LGSN: variants seen among roughly 807,000 people sequenced by gnomAD.
LGSN encodes the protein lengsin.
In LGSN, 21 loss-of-function variants were observed where a neutral mutation model predicts 19.5. That is an observed-to-expected ratio of 1.07 (90% CI 0.76 to 1.55). The LOEUF is 1.55. Ranked by LOEUF, LGSN falls within the 40% of genes most tolerant of loss-of-function variation. The pLI is 0.00. For missense variants in LGSN, 673 were observed against 608.5 expected, an observed-to-expected ratio of 1.11 and a Z score of -1.12; for synonymous variants, 257 against 215.6, an observed-to-expected ratio of 1.19 and a Z score of -1.68.
chr6:63,446,201 G>A, the LGSN span, among the ~76,000 whole-genome samples: 2 of 137,390 alleles, frequency 1.5e-5, no homozygotes, highest in Non-Finnish European at 3.0e-5. Flanking sequence ...AATGAGCAGA[G>A]ATCGGCCACT....
chr6:63,483,532 AT>A, the LGSN span, among the ~76,000 whole-genome samples: 1 of 151,906 alleles, frequency 6.6e-6, no homozygotes, highest in East Asian at 1.9e-4. Flanking sequence ...CGCCCGGCTA[AT>A]TTTTTTGTGT....
the LGSN span, among the ~76,000 whole-genome samples, chr6:63,471,310 A>G: frequency 4.0e-5 from 6 of 151,266 alleles, no homozygotes; most frequent in African/African-American, 1.5e-4. Context: ...GTGGCAATGT[A>G]TAATATTGGG....
chr6:63,343,702 A>T, the LGSN span, among the ~76,000 whole-genome samples: 3 of 152,222 alleles, frequency 2.0e-5, no homozygotes, highest in African/African-American at 7.2e-5. Context: ...ATTTAATCAA[A>T]CTACTCTAGG....
the LGSN span, among the ~76,000 whole-genome samples, chr6:63,455,521 G>A: frequency 5.3e-5 from 8 of 151,854 alleles, no homozygotes; most frequent in Admixed American, 1.3e-4. Context: ...TTGGGAGGCC[G>A]AGGCGGATGG....
the LGSN span, among the ~76,000 whole-genome samples, chr6:63,475,054 A>G: frequency 2.0e-5 from 3 of 152,164 alleles, no homozygotes; most frequent in Non-Finnish European, 4.4e-5. Flanking sequence ...AACTAAAAAC[A>G]TTGTTATAAA....
chr6:63,332,859 C>T, the LGSN span, among the ~76,000 whole-genome samples: 9 of 152,144 alleles, frequency 5.9e-5, no homozygotes, highest in East Asian at 3.9e-4. Flanking sequence ...AACATGTGTC[C>T]GGAATTGGTG....
At chr6:63,364,764 A>T in the LGSN span, among the ~76,000 whole-genome samples, 2 of 152,256 alleles carry the variant, frequency 1.3e-5, no homozygotes, top group African/African-American at 4.8e-5. Flanking sequence ...ATCAAACTAG[A>T]ACTCAGGATT....
intron 1 of LGSN, among the ~76,000 whole-genome samples, chr6:63,309,078 G>A (rs1768520740): frequency 2.6e-5 from 4 of 152,284 alleles, no homozygotes; most frequent in Admixed American, 1.3e-4. Flanking sequence ...AGTAGCATAC[G>A]AGAAAGTAGA....
At chr6:63,544,049 G>C in the LGSN span, among the ~76,000 whole-genome samples, 1 of 152,000 alleles carries the variant, frequency 6.6e-6, no homozygotes, top group Admixed American at 6.6e-5. Context: ...CCCCAACCCC[G>C]TATTTCATGT....
chr6:63,291,347 C>G (rs1277212464), intron 2 of LGSN, among the ~76,000 whole-genome samples: 1 of 152,098 alleles, frequency 6.6e-6, no homozygotes, highest in Non-Finnish European at 1.5e-5. Context: ...AAACAGGTCA[C>G]ATGGACTAGA....
the LGSN span, among the ~76,000 whole-genome samples, chr6:63,393,626 C>T: frequency 1.3e-5 from 2 of 152,156 alleles, no homozygotes; most frequent in South Asian, 4.1e-4. Flanking sequence ...AATTTGTGAG[C>T]CCTATGTAAA....
chr6:63,332,258 G>A, the LGSN span, among the ~76,000 whole-genome samples: 1 of 152,154 alleles, frequency 6.6e-6, no homozygotes, highest in Admixed American at 6.5e-5. Context: ...TCTTATAGGA[G>A]AAACTAGAAA....
At chr6:63,426,527 AT>A in the LGSN span, among the ~76,000 whole-genome samples, 1 of 151,946 alleles carries the variant, frequency 6.6e-6, no homozygotes, top group African/African-American at 2.4e-5. Flanking sequence ...TTATTTATTT[AT>A]TTTTGAGACA....
At chr6:63,384,770 A>C in the LGSN span, among the ~76,000 whole-genome samples, 2 of 152,214 alleles carry the variant, frequency 1.3e-5, no homozygotes, top group Non-Finnish European at 2.9e-5. Flanking sequence ...ATCCCGCCTC[A>C]GCCTCCCAAA....
At chr6:63,402,338 G>A in the LGSN span, among the ~76,000 whole-genome samples, 1 of 152,072 alleles carries the variant, frequency 6.6e-6, no homozygotes, top group Non-Finnish European at 1.5e-5. Context: ...AGATATGATG[G>A]AAAGATAGAA....
the LGSN span, among the ~76,000 whole-genome samples, chr6:63,329,799 T>C: frequency 6.6e-6 from 1 of 152,156 alleles, no homozygotes; most frequent in Non-Finnish European, 1.5e-5. Context: ...GGTGTGGGAC[T>C]TTCAGGCATA....
chr6:63,346,747 A>T, the LGSN span, among the ~76,000 whole-genome samples: 1 of 151,890 alleles, frequency 6.6e-6, no homozygotes, highest in African/African-American at 2.4e-5. Flanking sequence ...CTCTAGGTAG[A>T]TATTACCAGA....
the LGSN span, among the ~76,000 whole-genome samples, chr6:63,537,078 T>C: frequency 3.3e-5 from 5 of 152,228 alleles, no homozygotes; most frequent in East Asian, 5.8e-4. Flanking sequence ...AATTAAATAT[T>C]TTTAGAAACT....
At chr6:63,536,321 A>T in the LGSN span, among the ~76,000 whole-genome samples, 1 of 152,146 alleles carries the variant, frequency 6.6e-6, no homozygotes, top group Non-Finnish European at 1.5e-5. Context: ...CAAGAGCTAG[A>T]TTCTGTCTCA....
Sources: gnomAD v4.1 joint callset for allele counts (sites outside exome capture counted in the v4.1 genomes callset) on GRCh38, gnomAD v4.1.1 for gene constraint, MANE v1.5 for transcripts, NCBI Gene and HGNC (gene_info 2026-07-23, HGNC 2026-07-21) for gene names.